The following DTNA variants were observed in gnomAD, a reference collection of about 807,000 sequenced individuals.
DTNA encodes dystrobrevin alpha.
A neutral mutation model predicts 100.7 loss-of-function variants in DTNA; 43 were observed. That is an observed-to-expected ratio of 0.43 (90% CI 0.33 to 0.55). The LOEUF (loss-of-function observed/expected upper bound fraction) is 0.55. Ranked by LOEUF, DTNA falls within the 20% of genes least tolerant of loss-of-function variation. The pLI is 0.04. For missense variants in DTNA, 798 were observed against 953.9 expected (o/e 0.84, Z 2.15); for synonymous variants, 349 against 347.9 (o/e 1.00, Z -0.04).
At chr18:34,829,047 C>CG in intron 10 of DTNA, 1 of 1,614,086 alleles carries the variant, frequency 6.2e-7, no homozygotes, top group South Asian at 1.1e-5. Flanking sequence ...TCAGCTCGGA[C>CG]GGTGCTTTTG....
chr18:34,716,272 A>G (rs1247499171), intron 1 of DTNA, among the ~76,000 whole-genome samples: 1 of 152,188 alleles, frequency 6.6e-6, no homozygotes, highest in Non-Finnish European at 1.5e-5. Context: ...ATAAAGCTGT[A>G]AGAAGTCGGC....
At chr18:34,755,905 G>A (rs888060395) in intron 1 of DTNA, 71 bp from the exon 2 acceptor site, 19 of 1,362,394 alleles carry the variant, frequency 1.4e-5, no homozygotes, top group Admixed American at 3.5e-5. Context: ...CAGCAAGTAC[G>A]TTTACAGAGA....
At chr18:34,550,939 T>C (rs1464229343) in intron 1 of DTNA, among the ~76,000 whole-genome samples, 1 of 152,206 alleles carries the variant, frequency 6.6e-6, no homozygotes, top group Admixed American at 6.5e-5. Context: ...CAGCTTTCAT[T>C]GATGACATTG....
intron 1 of DTNA, among the ~76,000 whole-genome samples, chr18:34,699,441 C>T (rs1177796488): frequency 2.0e-5 from 3 of 152,162 alleles, no homozygotes; most frequent in Admixed American, 2.0e-4. Flanking sequence ...CTGGGGATGG[C>T]AATCTGTTTT....
At chr18:34,803,939 A>G (rs534929701) in intron 4 of DTNA, among the ~76,000 whole-genome samples, 1 of 152,314 alleles carries the variant, frequency 6.6e-6, no homozygotes, top group African/African-American at 2.4e-5. Context: ...ACCAAGTGCT[A>G]GGCACTAGGA....
chr18:34,715,582 T>A (rs1003981266), intron 1 of DTNA, among the ~76,000 whole-genome samples: 12 of 152,008 alleles, frequency 7.9e-5, no homozygotes, highest in Admixed American at 2.6e-4. Context: ...CCTCTACACA[T>A]CCCTGACATG....
chr18:34,875,314 G>A lies in DTNA; in HGVS notation c.1819G>A (p.Ala607Thr). 1 of 1,614,190 alleles carries A rather than the reference G, an allele frequency of 6.2e-7. No individual in the cohort carries two copies. Among genetic ancestry groups the A allele is most frequent in the African/African-American group, 1.3e-5 (1 of 75,056 alleles). ...SRPIPMPIRSASACSTPTHTP... is the reference protein window; with the variant it reads ...SRPIPMPIRSTSACSTPTHTP... ...GCCAATTCCCATGCCCATCCGGTCA[G>A]CGTCAGCCTGCTCCACCCCGACGCA... The change falls in exon 18 of 23, where the codon GCG (alanine) becomes ACG (threonine). Residue 607 changes from alanine (A) to threonine (T), a missense_variant. Ala to Thr is a moderately conservative substitution (Grantham distance 58, BLOSUM62 0). This residue lies in a region of DTNA where 242 missense variants were observed against 238.2 expected (regional missense o/e 1.02). Coordinates refer to ENST00000444659, the MANE Select transcript of DTNA (RefSeq NM_001386795.1).
At chr18:34,798,663 A>G (rs1035396237) in intron 4 of DTNA, among the ~76,000 whole-genome samples, 4 of 152,230 alleles carry the variant, frequency 2.6e-5, no homozygotes, top group Non-Finnish European at 5.9e-5. Context: ...TCACTCAAAA[A>G]TCATAGTATG....
At chr18:34,590,871 G>GA (rs1037188455) in intron 1 of DTNA, among the ~76,000 whole-genome samples, 1 of 151,988 alleles carries the variant, frequency 6.6e-6, no homozygotes, top group Non-Finnish European at 1.5e-5. Context: ...GAAAAAGAAG[G>GA]AAAAAAATGA....
chr18:34,594,650 A>G (rs1270038602), intron 1 of DTNA, among the ~76,000 whole-genome samples: 2 of 152,222 alleles, frequency 1.3e-5, no homozygotes, highest in Non-Finnish European at 2.9e-5. Context: ...GATGAGAATA[A>G]GTAATACACT....
At chr18:34,586,107 G>C (rs1484825274) in intron 1 of DTNA, among the ~76,000 whole-genome samples, 1 of 152,158 alleles carries the variant, frequency 6.6e-6, no homozygotes, top group African/African-American at 2.4e-5. Flanking sequence ...ATGTTTCAGT[G>C]AACTATTTCC....
Position 34,650,049 on chromosome 18 carries a change from G to GA in DTNA, c.-1-105916dup, listed in dbSNP as rs978817938. ...AGTGGTAGTTCACAACCTAGCAAAAGAAAAAAAAAAACTGAAGTCTTGGAT... is the reference window on the plus strand; with the variant it reads ...AGTGGTAGTTCACAACCTAGCAAAAGAAAAAAAAAAAACTGAAGTCTTGGAT... On this transcript the variant is annotated intron_variant, in intron 1 of 19. Transcript: ENST00000283365. Among the ~76,000 whole-genome samples the GA allele has an allele frequency of 4.3e-3, 618 of 143,986 alleles. 1 individual carries two copies. The highest frequency in any genetic ancestry group is 4.8e-3 in the Non-Finnish European group (316 of 65,188). The allele number at this position is 143,986 out of a possible 152,430, so 94.5% of individuals were successfully genotyped here.
At chr18:34,852,141 T>C (rs1284388802) in intron 15 of DTNA, among the ~76,000 whole-genome samples, 1 of 152,150 alleles carries the variant, frequency 6.6e-6, no homozygotes, top group African/African-American at 2.4e-5. Context: ...TGTATGTGTA[T>C]AGTTCTGAGA....
At position 34,703,045 on chromosome 18, in the gene DTNA, T is replaced by TA. The variant is rs562302827; in HGVS notation, c.-1-52927dup. On this transcript the variant is annotated intron_variant, in intron 1 of 19. Coordinates refer to the DTNA transcript ENST00000283365. ...AGGATGTCATAAAGTCTGAAACAGATAAAATAGTCTTTATGTTCATTCTTT... is the reference window on the plus strand; with the variant it reads ...AGGATGTCATAAAGTCTGAAACAGATAAAAATAGTCTTTATGTTCATTCTTT... Among the ~76,000 whole-genome samples, 7 of 152,286 alleles carry TA rather than the reference T, an allele frequency of 4.6e-5. No homozygotes were observed. In the East Asian group the frequency reaches 1.2e-3, roughly 25 times the overall value.
At chr18:34,816,486 G>A (rs946652202) in intron 7 of DTNA, among the ~76,000 whole-genome samples, 1 of 152,092 alleles carries the variant, frequency 6.6e-6, no homozygotes, top group African/African-American at 2.4e-5. Flanking sequence ...TTGTACTTAC[G>A]TTAAAGATAA....
intron 1 of DTNA, among the ~76,000 whole-genome samples, chr18:34,655,016 C>T (rs770388109): frequency 2.6e-4 from 40 of 151,968 alleles, no homozygotes; most frequent in African/African-American, 7.0e-4. Flanking sequence ...CATGAACCAC[C>T]GTGCCCGGCC....
chr18:34,800,381 C>A (rs1244214140), intron 4 of DTNA, among the ~76,000 whole-genome samples: 8 of 152,172 alleles, frequency 5.3e-5, no homozygotes, highest in Non-Finnish European at 2.9e-5. Flanking sequence ...AGAGACCACA[C>A]CTTTTTCATC....
At chr18:34,539,529 T>C (rs577012329) in intron 1 of DTNA, among the ~76,000 whole-genome samples, 1 of 151,990 alleles carries the variant, frequency 6.6e-6, no homozygotes, top group Non-Finnish European at 1.5e-5. Flanking sequence ...GAATCAGAGG[T>C]TCCAGGCAGG....
chr18:34,628,990 C>CCCA (rs2057718475), intron 1 of DTNA, among the ~76,000 whole-genome samples: 1 of 152,070 alleles, frequency 6.6e-6, no homozygotes, highest in African/African-American at 2.4e-5. Flanking sequence ...TAACACTGTA[C>CCCA]CCACATTAAC....
Sources: allele counts gnomAD v4.1 joint callset (sites outside exome capture counted in the v4.1 genomes callset), GRCh38; gene constraint gnomAD v4.1.1; regional missense constraint gnomAD v4.1.1; transcripts MANE v1.5; gene names NCBI Gene and HGNC (gene_info 2026-07-23, HGNC 2026-07-21).